Variants in ATRNL1 observed in about 807,000 individuals in gnomAD.
The protein encoded by ATRNL1 is attractin like 1.
ATRNL1 carries 95 observed loss-of-function variants against 182.7 expected under a neutral mutation model. That is an observed-to-expected ratio of 0.52 (90% confidence interval 0.44 to 0.62). The LOEUF is 0.62. ATRNL1 is among the 20% of genes least tolerant of loss of function. ATRNL1 has a pLI of 0.00. For synonymous variants in ATRNL1, 576 were observed against 568.3 expected (o/e 1.01, Z -0.19); for missense variants, 1,471 against 1,679.5 (o/e 0.88, Z 2.17).
At chr10:115,808,160 C>T (rs563781328) in intron 27 of ATRNL1, among the ~76,000 whole-genome samples, 1 of 152,108 alleles carries the variant, frequency 6.6e-6, no homozygotes, top group East Asian at 1.9e-4. Context: ...TATTTAGTAA[C>T]AAATTTATCT....
intron 28 of ATRNL1, among the ~76,000 whole-genome samples, chr10:115,879,061 A>G (rs1951763556): frequency 7.0e-5 from 1 of 14,334 alleles, no homozygotes; most frequent in South Asian, 4.7e-3. Flanking sequence ...TCATTTAAAT[A>G]TTACAGCACC....
chr10:115,343,676 G>A (rs1363395363), intron 19 of ATRNL1, among the ~76,000 whole-genome samples: 1 of 152,078 alleles, frequency 6.6e-6, no homozygotes, highest in Non-Finnish European at 1.5e-5. Context: ...CCTGGATGGT[G>A]TTGATGCTAA....
Position 115,266,781 on chromosome 10 carries a change from G to C in ATRNL1, c.1773-16G>C, listed in dbSNP as rs1554910834. 2.0e-6 allele frequency: 3 copies of C among 1,481,134 alleles called. No individual in the cohort carries two copies. The highest frequency in any genetic ancestry group is 2.6e-5 in the South Asian group (2 of 77,976). 91.7% of individuals were successfully genotyped at this position (1,481,134 alleles called of 1,614,324 possible). A position where few individuals can be genotyped will look rare whatever the true frequency, so the allele number is the denominator to read the frequency against. On this transcript the variant is annotated splice_polypyrimidine_tract_variant and intron_variant, in intron 11 of 28. Transcript: ENST00000355044. The stretch of plus-strand genomic sequence containing the variant: ...TTAATAGCGTTTCTTTAAGATTCTT[G>C]TTTTGTTTTTAATAGGTCCATGTAT...
At chr10:115,263,656 A>G (rs1851483875) in intron 10 of ATRNL1, among the ~76,000 whole-genome samples, 1 of 151,792 alleles carries the variant, frequency 6.6e-6, no homozygotes, top group Non-Finnish European at 1.5e-5. Context: ...TTATAAAAGT[A>G]TACAGTTTAT....
chr10:115,674,522 C>T (rs1945799984), intron 26 of ATRNL1, among the ~76,000 whole-genome samples: 1 of 152,012 alleles, frequency 6.6e-6, no homozygotes, highest in Non-Finnish European at 1.5e-5. Flanking sequence ...TTACTGAGTT[C>T]CTACTGCATG....
chr10:115,912,415 TTTGTG>T (rs1565481390), intron 28 of ATRNL1, among the ~76,000 whole-genome samples: 108 of 72,694 alleles, frequency 1.5e-3, no homozygotes, highest in African/African-American at 3.8e-3. Context: ...TATATATATA[TTTGTG>T]TGTGTGTGTG....
At chr10:115,166,352 T>C (rs929632986) in intron 7 of ATRNL1, among the ~76,000 whole-genome samples, 20 of 152,148 alleles carry the variant, frequency 1.3e-4, no homozygotes, top group African/African-American at 4.6e-4. Context: ...TTGTGAATAA[T>C]GTTTCTATGA....
chr10:115,791,717 C>G (rs868926563), intron 27 of ATRNL1, among the ~76,000 whole-genome samples: 4 of 152,016 alleles, frequency 2.6e-5, no homozygotes, highest in African/African-American at 9.7e-5. Context: ...CTATTTCACC[C>G]CCAACCTTCC....
intron 27 of ATRNL1, among the ~76,000 whole-genome samples, chr10:115,746,648 CTTATA>C (rs1311965379): frequency 5.9e-5 from 9 of 151,874 alleles, no homozygotes; most frequent in Non-Finnish European, 1.2e-4. Context: ...TTTCTTAATT[CTTATA>C]TTATAATACT....
At chr10:115,474,040 C>G (rs1488278751) in intron 24 of ATRNL1, among the ~76,000 whole-genome samples, 1 of 151,048 alleles carries the variant, frequency 6.6e-6, no homozygotes, top group African/African-American at 2.4e-5. Flanking sequence ...TATTGTTTTT[C>G]TATTCTGTAT....
chr10:115,444,259 G>A (rs1279641174), intron 21 of ATRNL1, among the ~76,000 whole-genome samples: 3 of 152,046 alleles, frequency 2.0e-5, no homozygotes, highest in Non-Finnish European at 4.4e-5. Flanking sequence ...TCCTCTACCA[G>A]CTGTTAGGGC....
At chr10:115,512,369 C>T (rs1554982851) in intron 24 of ATRNL1, among the ~76,000 whole-genome samples, 1 of 151,656 alleles carries the variant, frequency 6.6e-6, no homozygotes, top group African/African-American at 2.4e-5. Flanking sequence ...CATGTAATGC[C>T]ACCTAATTGA....
At chr10:115,182,064 A>T (rs1847769338) in intron 8 of ATRNL1, among the ~76,000 whole-genome samples, 1 of 151,676 alleles carries the variant, frequency 6.6e-6, no homozygotes, top group Non-Finnish European at 1.5e-5. Context: ...AGATTCAGTG[A>T]GTGAACAATA....
At chr10:115,260,154 C>T (rs1020729972) in intron 10 of ATRNL1, among the ~76,000 whole-genome samples, 3 of 152,190 alleles carry the variant, frequency 2.0e-5, no homozygotes, top group Non-Finnish European at 2.9e-5. Flanking sequence ...ATTACTATTA[C>T]TGTACTGTAA....
chr10:115,327,977 C>T (rs997207420), intron 18 of ATRNL1, among the ~76,000 whole-genome samples: 1 of 151,914 alleles, frequency 6.6e-6, no homozygotes, highest in Non-Finnish European at 1.5e-5. Flanking sequence ...GGGAGATATA[C>T]CTAATGCTAG....
At chr10:115,697,710 A>G in intron 26 of ATRNL1, among the ~76,000 whole-genome samples, 1 of 152,186 alleles carries the variant, frequency 6.6e-6, no homozygotes, top group East Asian at 1.9e-4. Flanking sequence ...ATGTTATGAC[A>G]TGTATGATAT....
intron 2 of ATRNL1, 65 bp from the exon 3 acceptor site, chr10:115,121,634 T>A (rs1333366497): frequency 5.3e-6 from 3 of 562,714 alleles, no homozygotes; most frequent in Non-Finnish European, 8.9e-6. Context: ...TAATAAATAT[T>A]ATGTATTTAT....
chr10:115,290,023 T>A (rs953393713), intron 15 of ATRNL1, among the ~76,000 whole-genome samples: 1 of 152,136 alleles, frequency 6.6e-6, no homozygotes, highest in South Asian at 2.1e-4. Context: ...GCATGGAATG[T>A]CATTCCATTT....
intron 24 of ATRNL1, among the ~76,000 whole-genome samples, chr10:115,483,007 A>T (rs1554974480): frequency 6.6e-6 from 1 of 151,358 alleles, no homozygotes; most frequent in East Asian, 1.9e-4. Context: ...TGTTAAGTAA[A>T]TAAAATGGTA....
Sources: allele counts gnomAD v4.1 joint callset (sites outside exome capture counted in the v4.1 genomes callset), GRCh38; gene constraint gnomAD v4.1.1; transcripts MANE v1.5; gene names NCBI Gene and HGNC (gene_info 2026-07-23, HGNC 2026-07-21).